Variants in MARCHF3 observed in about 807,000 individuals in gnomAD.
MARCHF3 encodes the protein membrane associated ring-CH-type finger 3, also known as E3 ubiquitin-protein ligase MARCHF3.
In MARCHF3, 13 loss-of-function variants were observed where a neutral mutation model predicts 24.2. The ratio of observed to expected loss-of-function variants is 0.54; its 90% CI spans 0.35 to 0.85. The LOEUF is 0.85. Ranked by LOEUF, MARCHF3 falls within the 40% of genes least tolerant of loss-of-function variation. MARCHF3 has a pLI of 0.01. For missense variants in MARCHF3, 276 were observed against 325.0 expected (o/e 0.85, Z 1.16); for synonymous variants, 144 against 137.3 (o/e 1.05, Z -0.34).
intron 1 of MARCHF3, among the ~76,000 whole-genome samples, chr5:126,993,129 G>A (rs899932734): frequency 6.6e-6 from 1 of 152,084 alleles, no homozygotes; most frequent in Non-Finnish European, 1.5e-5. Context: ...ACAGAAAGAC[G>A]AGCCCTCCAA....
chr5:126,998,936 C>T (rs1434274031), intron 1 of MARCHF3, among the ~76,000 whole-genome samples: 1 of 152,216 alleles, frequency 6.6e-6, no homozygotes, highest in East Asian at 1.9e-4. Context: ...AATATTACTA[C>T]ATGCCACAAG....
At chr5:126,976,267 C>A (rs968433175) in intron 1 of MARCHF3, among the ~76,000 whole-genome samples, 2 of 152,206 alleles carry the variant, frequency 1.3e-5, no homozygotes, top group Non-Finnish European at 2.9e-5. Flanking sequence ...GTAAAATTAT[C>A]CACAGCCCAG....
chr5:127,010,646 C>T (rs927101997), intron 1 of MARCHF3, among the ~76,000 whole-genome samples: 3 of 152,204 alleles, frequency 2.0e-5, no homozygotes, highest in Non-Finnish European at 4.4e-5. Context: ...GCATGAAAAT[C>T]TATGCTCTGT....
intron 1 of MARCHF3, among the ~76,000 whole-genome samples, chr5:126,934,190 T>A (rs1299100299): frequency 1.3e-5 from 2 of 152,168 alleles, no homozygotes; most frequent in Non-Finnish European, 2.9e-5. Flanking sequence ...TTTATTTATT[T>A]TTTTTACAAT....
chr5:126,889,716 G>A (rs1753616834), intron 3 of MARCHF3, among the ~76,000 whole-genome samples: 1 of 152,214 alleles, frequency 6.6e-6, no homozygotes, highest in Non-Finnish European at 1.5e-5. Context: ...CGAGGGCCTG[G>A]CTGACTTGGC....
chr5:126,978,691 G>A (rs765125420), intron 1 of MARCHF3, among the ~76,000 whole-genome samples: 4 of 152,138 alleles, frequency 2.6e-5, no homozygotes, highest in Non-Finnish European at 2.9e-5. Flanking sequence ...TATGCAACTC[G>A]GCTTTTTGCT....
intron 1 of MARCHF3, among the ~76,000 whole-genome samples, chr5:126,938,139 T>C (rs1749706433): frequency 6.6e-6 from 1 of 150,924 alleles, no homozygotes; most frequent in South Asian, 2.1e-4. Flanking sequence ...GAATAGAACA[T>C]AATTCTCAGC....
intron 1 of MARCHF3, among the ~76,000 whole-genome samples, chr5:126,919,550 A>ACTT (rs1477952704): frequency 1.3e-5 from 2 of 152,164 alleles, no homozygotes; most frequent in East Asian, 1.9e-4. Context: ...ATTTGTCTCT[A>ACTT]CTTCTTACAT....
chr5:126,968,168 A>G (rs967538002), intron 1 of MARCHF3, among the ~76,000 whole-genome samples: 1 of 152,180 alleles, frequency 6.6e-6, no homozygotes, highest in African/African-American at 2.4e-5. Context: ...TTCATGGTTG[A>G]CCATTTCACA....
At chr5:126,981,459 C>T (rs553182076) in intron 1 of MARCHF3, among the ~76,000 whole-genome samples, 1 of 152,336 alleles carries the variant, frequency 6.6e-6, no homozygotes, top group Non-Finnish European at 1.5e-5. Flanking sequence ...TAAGACGAGT[C>T]TTCTGAGACC....
intron 3 of MARCHF3, among the ~76,000 whole-genome samples, chr5:126,905,505 T>C (rs1298013364): frequency 6.6e-6 from 1 of 151,128 alleles, no homozygotes; most frequent in Non-Finnish European, 1.5e-5. Flanking sequence ...CAGTGGTTTG[T>C]AGTTCTCCTA....
chr5:126,935,600 G>GC (rs1749617852), intron 1 of MARCHF3, among the ~76,000 whole-genome samples: 1 of 119,360 alleles, frequency 8.4e-6, no homozygotes, highest in African/African-American at 3.1e-5. Context: ...TGTATATATG[G>GC]CTTTTTTTTT....
chr5:126,980,725 G>A (rs2126835799), intron 1 of MARCHF3, among the ~76,000 whole-genome samples: 1 of 152,254 alleles, frequency 6.6e-6, no homozygotes, highest in East Asian at 1.9e-4. Flanking sequence ...ATGGTTAGGT[G>A]GGCCTGTGGG....
At chr5:126,981,805 T>C (rs962470158) in intron 1 of MARCHF3, among the ~76,000 whole-genome samples, 3 of 152,210 alleles carry the variant, frequency 2.0e-5, no homozygotes, top group Admixed American at 2.0e-4. Flanking sequence ...TAATATCAAA[T>C]ATTATGTTCA....
chr5:126,960,200 T>C (rs1181618707), intron 1 of MARCHF3, among the ~76,000 whole-genome samples: 4 of 152,114 alleles, frequency 2.6e-5, no homozygotes, highest in African/African-American at 9.7e-5. Context: ...ACATAGAAAA[T>C]TTCCATAAAC....
intron 1 of MARCHF3, among the ~76,000 whole-genome samples, chr5:126,944,472 G>T (rs1187882558): frequency 6.6e-6 from 1 of 152,142 alleles, no homozygotes; most frequent in African/African-American, 2.4e-5. Context: ...GGTTGTACAT[G>T]CCCAGGGGGC....
At chr5:126,919,691 C>T (rs1172950732) in intron 1 of MARCHF3, among the ~76,000 whole-genome samples, 2 of 152,232 alleles carry the variant, frequency 1.3e-5, no homozygotes, top group African/African-American at 4.8e-5. Context: ...CCGACACGCA[C>T]ATGTCAAGCA....
intron 1 of MARCHF3, among the ~76,000 whole-genome samples, chr5:127,020,293 T>C (rs556609194): frequency 6.6e-6 from 1 of 152,244 alleles, no homozygotes; most frequent in Non-Finnish European, 1.5e-5. Flanking sequence ...GGCCAGATGT[T>C]AAGGAAGCAA....
In MARCHF3 at chr5:126,916,174, C is replaced by T. The variant is rs536297040; in HGVS notation, c.189-1040G>A. ...GGCCAATGGAAAGAGGATGGCCTCA[C>T]TGCTTGGGAGGTACCCTGCCCTGGG... On this transcript the variant is annotated intron_variant, in intron 2 of 4. Coordinates refer to ENST00000308660, the MANE Select transcript of MARCHF3 (RefSeq NM_178450.5). 1.4e-4 allele frequency among the ~76,000 whole-genome samples: 21 copies of T among 152,360 alleles called. No homozygotes were observed. The East Asian group carries it at 3.7e-3, about 27-fold the overall frequency.
Sources: allele counts gnomAD v4.1 joint callset (sites outside exome capture counted in the v4.1 genomes callset), GRCh38; gene constraint gnomAD v4.1.1; transcripts MANE v1.5; gene names NCBI Gene and HGNC (gene_info 2026-07-23, HGNC 2026-07-21).